LPGAT1: variants seen among roughly 807,000 people sequenced by gnomAD.
LPGAT1 encodes lysophosphatidylglycerol acyltransferase 1.
Under a neutral mutation model 47.5 loss-of-function variants are expected in LPGAT1, and 11 were observed. That is an observed-to-expected ratio of 0.23 (90% CI 0.15 to 0.38). LPGAT1 has a LOEUF of 0.38. LPGAT1 is among the 10% of genes least tolerant of loss of function. The pLI is 1.00. For synonymous variants in LPGAT1, 138 were observed against 144.2 expected, an observed-to-expected ratio of 0.96 and a Z score of 0.31; for missense variants, 293 against 439.0, an observed-to-expected ratio of 0.67 and a Z score of 2.97.
chr1:211,791,011 G>A (rs573882934), intron 3 of LPGAT1, among the ~76,000 whole-genome samples: 5 of 152,028 alleles, frequency 3.3e-5, no homozygotes, highest in Non-Finnish European at 5.9e-5. Flanking sequence ...AAATTTTAAC[G>A]TCATGAACTT....
Position 211,830,264 on chromosome 1 carries a change from G to A in LPGAT1, c.-28+309C>T. 3.0e-6 allele frequency: 3 copies of A among 1,004,846 alleles called. No individual in the cohort carries two copies. The highest frequency in any genetic ancestry group is 3.6e-6 in the Non-Finnish European group (3 of 843,262). 62.2% of individuals were successfully genotyped at this position (1,004,846 alleles called of 1,614,324 possible). Reference sequence around the variant, plus strand: ...GAGGGGTCGCGGTCATGGACGCGGTGGCGGCCCAAGCGGCCCGAGGCGCTG... The same window carrying A: ...GAGGGGTCGCGGTCATGGACGCGGTAGCGGCCCAAGCGGCCCGAGGCGCTG... On this transcript the variant is annotated intron_variant, in intron 1 of 7. Coordinates refer to ENST00000366997, the MANE Select transcript of LPGAT1 (RefSeq NM_014873.3). This position sits in a 1 kb window ranked among gnomAD's most constrained non-coding sequence, Gnocchi z 5.9.
intron 2 of LPGAT1, among the ~76,000 whole-genome samples, chr1:211,813,691 A>G (rs779189718): frequency 5.3e-5 from 8 of 152,226 alleles, no homozygotes; most frequent in Non-Finnish European, 1.0e-4. Context: ...GCTTAACTGG[A>G]GTTCAAAGTT....
intron 2 of LPGAT1, among the ~76,000 whole-genome samples, chr1:211,814,388 T>C (rs550690915): frequency 8.5e-5 from 13 of 152,086 alleles, no homozygotes; most frequent in African/African-American, 3.1e-4. Flanking sequence ...AAAGAACAGA[T>C]TTTGGGGAGA....
chr1:211,820,255 G>A (rs1660322726), intron 2 of LPGAT1, among the ~76,000 whole-genome samples: 1 of 151,958 alleles, frequency 6.6e-6, no homozygotes, highest in Non-Finnish European at 1.5e-5. Flanking sequence ...ACAGATTGAG[G>A]AAAATCCAAT....
At chr1:211,815,192 T>A (rs139737145) in intron 2 of LPGAT1, among the ~76,000 whole-genome samples, 1 of 152,196 alleles carries the variant, frequency 6.6e-6, no homozygotes, top group Non-Finnish European at 1.5e-5. Flanking sequence ...TGCACATCCA[T>A]GTCAATTTCA....
intron 2 of LPGAT1, among the ~76,000 whole-genome samples, chr1:211,817,287 C>T (rs550346597): frequency 8.5e-5 from 13 of 152,070 alleles, no homozygotes; most frequent in African/African-American, 2.9e-4. Context: ...TAAAACCATC[C>T]GTCGCTGGGC....
rs777092383 is a variant in LPGAT1 at position 211,783,302 on chromosome 1, TG to T, written c.653del (p.Thr218LysfsTer5). ...TNVTLPRSGA[T>X]KIILNALVAQ... is the part of the protein sequence containing the mutation. Reference sequence around the variant, plus strand: ...CTACAAGTGCATTCAAAATAATTTTTGTTGCCCCAGACCTTGGCAGAGTAAC... The same window carrying T: ...CTACAAGTGCATTCAAAATAATTTTTTTGCCCCAGACCTTGGCAGAGTAAC... On this transcript the variant is annotated frameshift_variant, in exon 5 of 8. Transcript: ENST00000366997. LOFTEE classifies it high-confidence loss of function. The T allele has an allele frequency of 6.2e-7, 1 of 1,614,220 alleles. No homozygotes were observed. Among genetic ancestry groups the T allele is most frequent in the South Asian group, 1.1e-5 (1 of 91,090 alleles).
intron 2 of LPGAT1, among the ~76,000 whole-genome samples, chr1:211,804,060 T>C (rs1056529662): frequency 6.6e-6 from 1 of 152,044 alleles, no homozygotes; most frequent in African/African-American, 2.4e-5. Flanking sequence ...CACCCAGCCC[T>C]CAAAATTGGC....
chr1:211,826,228 G>T (rs1461238840), intron 2 of LPGAT1, among the ~76,000 whole-genome samples: 3 of 152,118 alleles, frequency 2.0e-5, no homozygotes, highest in African/African-American at 4.8e-5. Context: ...AATTTACAGG[G>T]CTCATTTTTG....
Position 211,802,058 on chromosome 1 carries a change from A to C in LPGAT1, c.239-8868T>G, listed in dbSNP as rs1659594407. ...AGCCAAGATTGCACCACTGTATTAC[A>C]GCCTGGGTAACAGAGTGAGACTCTG... is the stretch of plus-strand genomic sequence containing the variant. On this transcript the variant is annotated intron_variant, in intron 2 of 7. Transcript: ENST00000366997. 4.0e-5 allele frequency among the ~76,000 whole-genome samples: 6 copies of C among 150,102 alleles called. No individual in the cohort carries two copies. The South Asian group carries it at 1.3e-3, about 32-fold the overall frequency.
chr1:211,801,476 C>T (rs373826783), intron 2 of LPGAT1, among the ~76,000 whole-genome samples: 17 of 151,534 alleles, frequency 1.1e-4, no homozygotes, highest in South Asian at 4.2e-4. Context: ...GCACTAAGGC[C>T]GAGGTGGGAG....
Position 211,747,575 on chromosome 1 carries a change from G to C in LPGAT1, c.*2324C>G, listed in dbSNP as rs1656993894. ...CATTTATTTTTGGATAGGAGAACTG[G>C]TCACTCTACCCTGTGGCTTGCTGTA... On this transcript the variant is annotated 3_prime_UTR_variant, in exon 8 of 8. Transcript: ENST00000366997. The C allele has an allele frequency of 6.6e-6, 1 of 152,170 alleles. No homozygotes were observed. Among genetic ancestry groups the C allele is most frequent in the South Asian group, 2.1e-4 (1 of 4,832 alleles). 9.4% of individuals were successfully genotyped at this position (152,170 alleles called of 1,614,324 possible).
intron 6 of LPGAT1, among the ~76,000 whole-genome samples, chr1:211,774,282 A>G (rs972729689): frequency 4.7e-4 from 72 of 151,680 alleles, no homozygotes; most frequent in African/African-American, 1.6e-3. Flanking sequence ...ACACCTAGCT[A>G]ATTTTTGTAT....
intron 1 of LPGAT1, chr1:211,829,925 G>T: frequency 1.0e-6 from 1 of 985,220 alleles, no homozygotes; most frequent in Non-Finnish European, 1.2e-6. Context: ...CAAGGTGAGA[G>T]GAAGAAAGTA....
intron 4 of LPGAT1, among the ~76,000 whole-genome samples, chr1:211,784,735 A>G (rs1008239932): frequency 2.0e-5 from 3 of 151,998 alleles, no homozygotes; most frequent in African/African-American, 7.2e-5. Flanking sequence ...CCTGAAGTCT[A>G]AAAAGAAGAA....
chr1:211,828,175 AGCCT>A (rs759367314), intron 2 of LPGAT1, among the ~76,000 whole-genome samples: 11 of 152,202 alleles, frequency 7.2e-5, no homozygotes, highest in Non-Finnish European at 1.5e-4. Context: ...ATCTTCAAGG[AGCCT>A]GCCTATCAGG....
At position 211,798,549 on chromosome 1, in the gene LPGAT1, T is replaced by C. The variant is rs536094061; in HGVS notation, c.239-5359A>G. Among the ~76,000 whole-genome samples, 6 of 152,138 alleles carry C rather than the reference T, an allele frequency of 3.9e-5. No homozygotes were observed. In the South Asian group the frequency reaches 1.2e-3, roughly 32 times the overall value. On this transcript the variant is annotated intron_variant, in intron 2 of 7. Transcript: ENST00000366997. Reference sequence around the variant, plus strand: ...AAAATTTAAAATTAGCTGGGTGTGGTGGCATGTACCTGTGGTCCTAGCTAC... The same window carrying C: ...AAAATTTAAAATTAGCTGGGTGTGGCGGCATGTACCTGTGGTCCTAGCTAC...
intron 4 of LPGAT1, among the ~76,000 whole-genome samples, chr1:211,786,651 C>T (rs1465152568): frequency 6.6e-6 from 1 of 152,196 alleles, no homozygotes; most frequent in African/African-American, 2.4e-5. Flanking sequence ...TTCTTTAAAA[C>T]TTGTGCCAAA....
intron 4 of LPGAT1, among the ~76,000 whole-genome samples, chr1:211,784,600 T>A (rs1044783728): frequency 1.3e-5 from 2 of 151,820 alleles, no homozygotes; most frequent in African/African-American, 4.8e-5. Flanking sequence ...GGGAATTTGA[T>A]GAGATTCAAT....
Sources: gnomAD v4.1 joint callset for allele counts (sites outside exome capture counted in the v4.1 genomes callset) on GRCh38, gnomAD v4.1.1 for gene constraint, Gnocchi (gnomAD v3.1) non-coding constraint, MANE v1.5 for transcripts, NCBI Gene and HGNC (gene_info 2026-07-23, HGNC 2026-07-21) for gene names.